HDAC2: variants seen among roughly 807,000 people sequenced by gnomAD.
The protein encoded by HDAC2 is YY1-associated factor 1.
Under a neutral mutation model 68.5 loss-of-function variants are expected in HDAC2, and 5 were observed. The ratio of observed to expected loss-of-function variants is 0.07; its 90% CI spans 0.04 to 0.15. HDAC2 has a LOEUF of 0.15. Ranked by LOEUF, HDAC2 falls within the 10% of genes least tolerant of loss-of-function variation. The probability of loss-of-function intolerance (pLI) is 1.00; values close to 1 mark genes in which losing one functional copy is unlikely to be tolerated. For missense variants in HDAC2, 291 were observed against 600.8 expected, an observed-to-expected ratio of 0.48 and a Z score of 5.39; for synonymous variants, 182 against 191.3, an observed-to-expected ratio of 0.95 and a Z score of 0.40.
intron 1 of HDAC2, among the ~76,000 whole-genome samples, chr6:113,966,582 T>C (rs1582500021): frequency 6.8e-6 from 1 of 147,980 alleles, no homozygotes; most frequent in African/African-American, 2.5e-5. Flanking sequence ...GTATAAGGAA[T>C]TAATAATTTA....
At chr6:113,946,319 C>A in intron 8 of HDAC2, 171 bp from the exon 9 acceptor site, 1 of 534,152 alleles carries the variant, frequency 1.9e-6, no homozygotes, top group Non-Finnish European at 3.3e-6. Context: ...CCTTTCCAAA[C>A]ACGTTATACA....
At chr6:113,970,188 A>C (rs1480585152) in intron 1 of HDAC2, 1 of 152,274 alleles carries the variant, frequency 6.6e-6, no homozygotes, top group Non-Finnish European at 1.5e-5. Context: ...CCCACGCAAA[A>C]CATGGGTGTG....
chr6:113,960,148 A>C, intron 1 of HDAC2, 130 bp from the exon 2 acceptor site: 1 of 650,776 alleles, frequency 1.5e-6, no homozygotes, highest in Non-Finnish European at 2.7e-6. Context: ...TTAGCAACTT[A>C]GATTTATTTT....
chr6:113,938,362 CTCTG>C lies in HDAC2; in HGVS notation c.*2692_*2695del, dbSNP rs954856143. ...GGATGAGTTACAAATCTGCCTCCCACTCTGTCTTTTGTCATTTTTCTTGACTTGT... is the reference window on the plus strand; with the variant it reads ...GGATGAGTTACAAATCTGCCTCCCACTCTTTTGTCATTTTTCTTGACTTGT... On this transcript the variant is annotated 3_prime_UTR_variant, in exon 14 of 14. Transcript: ENST00000519065. The C allele has an allele frequency of 9.9e-5, 15 of 152,168 alleles. No homozygotes were observed. Among genetic ancestry groups the C allele is most frequent in the Non-Finnish European group, 2.1e-4 (14 of 68,024 alleles). 9.4% of individuals were successfully genotyped at this position (152,168 alleles called of 1,614,324 possible). A position where few individuals can be genotyped will look rare whatever the true frequency, so the allele number is the denominator to read the frequency against.
At chr6:113,948,785 A>G (rs1164469195) in intron 8 of HDAC2, 194 bp downstream of exon 8, 12 of 535,848 alleles carry the variant, frequency 2.2e-5, no homozygotes, top group Admixed American at 1.8e-4. Flanking sequence ...GTCTTGTATA[A>G]ATGTATATAT....
At chr6:113,970,051 T>C (rs1776940387) in intron 1 of HDAC2, 1 of 152,222 alleles carries the variant, frequency 6.6e-6, no homozygotes, top group Non-Finnish European at 1.5e-5. Context: ...CCACCTCTTA[T>C]TTCCTACGAA....
chr6:113,950,700 T>TGGGGGGG (rs34412922), intron 6 of HDAC2, among the ~76,000 whole-genome samples: 1 of 62,430 alleles, frequency 1.6e-5, no homozygotes, highest in African/African-American at 5.8e-5. Flanking sequence ...CTGAGTGGGG[T>TGGGGGGG]GGGGGGGGGG....
intron 5 of HDAC2, among the ~76,000 whole-genome samples, chr6:113,955,110 G>A (rs1776518195): frequency 6.6e-6 from 1 of 152,012 alleles, no homozygotes; most frequent in Non-Finnish European, 1.5e-5. Context: ...AAACTTCCAA[G>A]GTCATTGTCA....
intron 1 of HDAC2, among the ~76,000 whole-genome samples, chr6:113,965,412 G>A (rs1776788410): frequency 6.6e-6 from 1 of 151,490 alleles, no homozygotes; most frequent in Admixed American, 6.6e-5. Context: ...ACCCACCCAG[G>A]CTGGAGTGCA....
Position 113,970,089 on chromosome 6 carries a change from G to A in HDAC2, c.52+768C>T, listed in dbSNP as rs1349509271. 3.3e-5 allele frequency: 5 copies of A among 152,230 alleles called. No homozygotes were observed. In the East Asian group the frequency reaches 9.7e-4, roughly 29 times the overall value. 9.4% of individuals were successfully genotyped at this position (152,230 alleles called of 1,614,324 possible). ...CTTTCTGCCTGAAACTGGAAAACCC[G>A]AACTATTATTGAGGAAGTGAAGCCC... On this transcript the variant is annotated intron_variant, in intron 1 of 13. Transcript: ENST00000519065.
chr6:113,941,840 C>T (rs1776142876), intron 12 of HDAC2, 75 bp from the exon 13 acceptor site: 2 of 428,634 alleles, frequency 4.7e-6, no homozygotes, highest in Non-Finnish European at 7.9e-6. Flanking sequence ...TCAAAATATA[C>T]TTTATTTTTA....
At chr6:113,968,358 G>C (rs1354515315) in intron 1 of HDAC2, 1 of 152,072 alleles carries the variant, frequency 6.6e-6, no homozygotes, top group African/African-American at 2.4e-5. Context: ...TGATACAGAA[G>C]CTCCTTTCCT....
chr6:113,947,665 C>T (rs937770528), intron 8 of HDAC2: 1 of 152,004 alleles, frequency 6.6e-6, no homozygotes, highest in Non-Finnish European at 1.5e-5. Context: ...CATTTTGAGG[C>T]AAAAGATGGT....
intron 3 of HDAC2, chr6:113,957,152 G>T (rs1342693996): frequency 6.5e-6 from 1 of 154,068 alleles, no homozygotes; most frequent in Non-Finnish European, 1.4e-5. Flanking sequence ...CCAAAAAGAT[G>T]TAACAGCTGG....
Position 113,935,246 on chromosome 6 carries a change from T to C in HDAC2, c.*5812A>G, listed in dbSNP as rs1167291541. 1 of 152,186 alleles carries C rather than the reference T, an allele frequency of 6.6e-6. No individual in the cohort carries two copies. The highest frequency in any genetic ancestry group is 1.5e-5 in the Non-Finnish European group (1 of 68,024). 9.4% of individuals were successfully genotyped at this position (152,186 alleles called of 1,614,324 possible). A position where few individuals can be genotyped will look rare whatever the true frequency, so the allele number is the denominator to read the frequency against. On this transcript the variant is annotated 3_prime_UTR_variant, in exon 14 of 14. Coordinates refer to ENST00000519065, the MANE Select transcript of HDAC2 (RefSeq NM_001527.4). The stretch of plus-strand genomic sequence containing the variant: ...TTCTCACTTAAGGACATAGCATATT[T>C]AAAAAATAAGAGCAAAAGGGGAAAT...
intron 1 of HDAC2, among the ~76,000 whole-genome samples, chr6:113,963,870 C>T (rs1169481982): frequency 2.0e-5 from 3 of 152,168 alleles, no homozygotes; most frequent in Admixed American, 6.5e-5. Context: ...TTACAAATTG[C>T]TCACTCTTCA....
chr6:113,948,940 C>A, intron 8 of HDAC2, 39 bp downstream of exon 8: 1 of 1,600,382 alleles, frequency 6.2e-7, no homozygotes, highest in South Asian at 1.1e-5. Context: ...GGAAGAAAAA[C>A]CATTTTTTTC....
At chr6:113,965,116 C>T (rs1009808608) in intron 1 of HDAC2, among the ~76,000 whole-genome samples, 2 of 152,160 alleles carry the variant, frequency 1.3e-5, no homozygotes, top group African/African-American at 4.8e-5. Context: ...AATGGCTTTC[C>T]ACCTCTGGGT....
chr6:113,956,700 A>G lies in HDAC2; in HGVS notation c.284-7T>C. 6.3e-7 allele frequency: 1 copy of G among 1,599,170 alleles called. No homozygotes were observed. The highest frequency in any genetic ancestry group is 8.6e-7 in the Non-Finnish European group (1 of 1,166,930). Reference sequence around the variant, plus strand: ...CAATCTTCTCCAACATTAACTGTGGAAGATGGATTTCATTAATTTCAACAC... The same window carrying G: ...CAATCTTCTCCAACATTAACTGTGGGAGATGGATTTCATTAATTTCAACAC... On this transcript the variant is annotated splice_region_variant and splice_polypyrimidine_tract_variant and intron_variant, in intron 3 of 13. Transcript: ENST00000519065.
Sources: gnomAD v4.1 joint callset for allele counts (sites outside exome capture counted in the v4.1 genomes callset) on GRCh38, gnomAD v4.1.1 for gene constraint, MANE v1.5 for transcripts, NCBI Gene and HGNC (gene_info 2026-07-23, HGNC 2026-07-21) for gene names.